Variants in RBFOX1 observed in about 807,000 individuals in gnomAD.
RBFOX1 encodes RNA binding fox-1 homolog 1.
A neutral mutation model predicts 57.7 loss-of-function variants in RBFOX1; 8 were observed. That is an observed-to-expected ratio of 0.14 (90% confidence interval 0.08 to 0.25). RBFOX1 has a LOEUF of 0.25. Ranked by LOEUF, RBFOX1 falls within the 10% of genes least tolerant of loss-of-function variation. The probability of loss-of-function intolerance (pLI) is 1.00; values close to 1 mark genes in which losing one functional copy is unlikely to be tolerated. For synonymous variants in RBFOX1, 326 were observed against 222.4 expected (o/e 1.47, Z -4.15); for missense variants, 611 against 548.5 (o/e 1.11, Z -1.14).
At chr16:7,628,534 G>A (rs1175532092) in intron 10 of RBFOX1, among the ~76,000 whole-genome samples, 1 of 152,090 alleles carries the variant, frequency 6.6e-6, no homozygotes, top group African/African-American at 2.4e-5. Flanking sequence ...TTTGTTTGCT[G>A]TTAATCCCCA....
At chr16:6,861,479 C>T (rs891362808) in intron 3 of RBFOX1, among the ~76,000 whole-genome samples, 1 of 132,870 alleles carries the variant, frequency 7.5e-6, no homozygotes, top group Non-Finnish European at 1.7e-5. Flanking sequence ...ATTCCCCTCC[C>T]AACCCCCTCC....
chr16:5,424,335 G>A (rs1207876659), intron 1 of RBFOX1, among the ~76,000 whole-genome samples: 1 of 152,204 alleles, frequency 6.6e-6, no homozygotes, highest in Non-Finnish European at 1.5e-5. Context: ...GACAGGCTGT[G>A]TAGTTTATCA....
intron 4 of RBFOX1, among the ~76,000 whole-genome samples, chr16:7,178,963 C>G (rs745539295): frequency 1.3e-5 from 2 of 152,014 alleles, no homozygotes; most frequent in African/African-American, 4.8e-5. Context: ...CACTGCTGGC[C>G]CATTATAATT....
intron 2 of RBFOX1, among the ~76,000 whole-genome samples, chr16:6,498,342 G>A (rs538248749): frequency 6.6e-6 from 1 of 151,948 alleles, no homozygotes; most frequent in African/African-American, 2.4e-5. Context: ...AGAGACTTAT[G>A]AGCAGAAATA....
At chr16:6,388,381 G>A (rs1306288997) in intron 2 of RBFOX1, among the ~76,000 whole-genome samples, 3 of 150,356 alleles carry the variant, frequency 2.0e-5, no homozygotes, top group Non-Finnish European at 4.5e-5. Flanking sequence ...CACAGAAAGT[G>A]TGAAGAAGAG....
intron 1 of RBFOX1, among the ~76,000 whole-genome samples, chr16:5,414,414 A>T (rs1237000494): frequency 6.6e-6 from 1 of 152,196 alleles, no homozygotes; most frequent in Non-Finnish European, 1.5e-5. Flanking sequence ...CATGCCAATT[A>T]GTTGTCACTT....
At chr16:7,262,074 A>G (rs140061249) in intron 4 of RBFOX1, among the ~76,000 whole-genome samples, 1 of 152,134 alleles carries the variant, frequency 6.6e-6, no homozygotes, top group Non-Finnish European at 1.5e-5. Context: ...AGGTTTCACT[A>G]TGTTTTCCTT....
At chr16:7,492,710 C>CCTG (rs2067318103) in intron 4 of RBFOX1, among the ~76,000 whole-genome samples, 1 of 668 alleles carries the variant, frequency 1.5e-3, no homozygotes, top group Non-Finnish European at 0.022. Context: ...GTGGTAGTGG[C>CCTG]ATGATAGTGA....
chr16:6,591,326 T>A (rs1234686967), intron 2 of RBFOX1, among the ~76,000 whole-genome samples: 18 of 152,214 alleles, frequency 1.2e-4, no homozygotes, highest in South Asian at 6.2e-4. Flanking sequence ...CAGTGGTGCA[T>A]GCCTGTAGTC....
chr16:7,494,134 G>A (rs1480300618), intron 4 of RBFOX1, among the ~76,000 whole-genome samples: 1 of 152,192 alleles, frequency 6.6e-6, no homozygotes, highest in Admixed American at 6.5e-5. Flanking sequence ...AAGGTGAGAA[G>A]AGATAATTCA....
At chr16:5,924,440 G>A (rs886390984) in intron 4 of RBFOX1, among the ~76,000 whole-genome samples, 1 of 152,152 alleles carries the variant, frequency 6.6e-6, no homozygotes, top group African/African-American at 2.4e-5. Context: ...GCAGGGGAAT[G>A]CGATTGGTGG....
chr16:7,570,883 C>A (rs7204606), intron 5 of RBFOX1, among the ~76,000 whole-genome samples: 2,444 of 152,180 alleles, frequency 0.016, 70 homozygotes, highest in African/African-American at 0.055. Context: ...ACATATACAC[C>A]GTGAAATACT....
intron 4 of RBFOX1, among the ~76,000 whole-genome samples, chr16:7,188,571 A>G (rs9929711): frequency 0.018 from 2,740 of 152,124 alleles, 75 homozygotes; most frequent in African/African-American, 0.063. Flanking sequence ...CCTGAATGCT[A>G]TTTTATACTC....
In RBFOX1 at chr16:5,559,155, C is replaced by A. The variant is rs140505817; in HGVS notation, c.259-39747C>A. 6.5e-3 allele frequency among the ~76,000 whole-genome samples: 797 copies of A among 121,846 alleles called. 9 individuals carry two copies. The highest frequency in any genetic ancestry group is 0.026 in the African/African-American group (743 of 28,606). The allele number at this position is 121,846 out of a possible 152,430, so 79.9% of individuals were successfully genotyped here. A position where few individuals can be genotyped will look rare whatever the true frequency, so the allele number is the denominator to read the frequency against. On this transcript the variant is annotated intron_variant, in intron 2 of 2. Coordinates refer to the RBFOX1 transcript ENST00000585867. Reference sequence around the variant, plus strand: ...AAAGGGGTTTATATAGCTAGGAGAACCCCCCCAGGCAAAAAAAAAAAAAAA... The same window carrying A: ...AAAGGGGTTTATATAGCTAGGAGAAACCCCCCAGGCAAAAAAAAAAAAAAA...
chr16:5,533,740 C>A (rs553923786), intron 2 of RBFOX1, among the ~76,000 whole-genome samples: 1 of 152,252 alleles, frequency 6.6e-6, no homozygotes, highest in African/African-American at 2.4e-5. Flanking sequence ...TTCAAGGTTA[C>A]CGGGGAAATC....
chr16:7,427,826 A>C, intron 4 of RBFOX1, among the ~76,000 whole-genome samples: 1 of 151,498 alleles, frequency 6.6e-6, no homozygotes, highest in East Asian at 1.9e-4. Context: ...GTTAGTTTTC[A>C]TATTTTTAGT....
intron 4 of RBFOX1, among the ~76,000 whole-genome samples, chr16:7,187,227 A>T (rs549258614): frequency 1.3e-5 from 2 of 152,196 alleles, no homozygotes; most frequent in South Asian, 4.1e-4. Flanking sequence ...AAGTACTGAA[A>T]TCATATGTAA....
intron 4 of RBFOX1, among the ~76,000 whole-genome samples, chr16:7,077,909 G>A (rs749559782): frequency 2.6e-5 from 4 of 152,040 alleles, no homozygotes; most frequent in Non-Finnish European, 5.9e-5. Context: ...TGCTTTTATT[G>A]AGGAGCCAAA....
chr16:6,371,321 A>G (rs1156534230), intron 2 of RBFOX1, among the ~76,000 whole-genome samples: 1 of 152,186 alleles, frequency 6.6e-6, no homozygotes, highest in Non-Finnish European at 1.5e-5. Context: ...TTCTAACCCC[A>G]TTGCACTTAT....
Sources: allele counts gnomAD v4.1 joint callset (sites outside exome capture counted in the v4.1 genomes callset), GRCh38; gene constraint gnomAD v4.1.1; transcripts MANE v1.5; gene names NCBI Gene and HGNC (gene_info 2026-07-23, HGNC 2026-07-21).